The following DOCK1 variants were observed in gnomAD, a reference collection of about 807,000 sequenced individuals.
DOCK1 encodes the protein dedicator of cytokinesis 1.
Under a neutral mutation model 262.7 loss-of-function variants are expected in DOCK1, and 138 were observed. The observed-to-expected ratio is 0.53, with a 90% CI of 0.46 to 0.61. The LOEUF (loss-of-function observed/expected upper bound fraction) is 0.61, where lower values mean the gene tolerates loss of function less well. DOCK1 is among the 20% of genes least tolerant of loss of function. The probability of loss-of-function intolerance (pLI) is 0.00; values close to 1 mark genes in which losing one functional copy is unlikely to be tolerated. For missense variants in DOCK1, 1,908 were observed against 2,370.7 expected (o/e 0.80, Z 4.05); for synonymous variants, 866 against 867.4 (o/e 1.00, Z 0.03).
At chr10:127,059,154 A>G (rs111506373) in intron 22 of DOCK1, among the ~76,000 whole-genome samples, 51 of 152,244 alleles carry the variant, frequency 3.3e-4, no homozygotes, top group Admixed American at 2.9e-3. Flanking sequence ...TCCTTCATTT[A>G]TAGTAAGTCA....
chr10:127,374,363 G>A (rs2065369152), intron 35 of DOCK1, 149 bp downstream of exon 35: 2 of 1,134,490 alleles, frequency 1.8e-6, no homozygotes, highest in East Asian at 5.3e-5. Flanking sequence ...TCTGCTGCAG[G>A]GAAGGAATCA....
At chr10:126,989,602 T>C (rs927957973) in intron 5 of DOCK1, among the ~76,000 whole-genome samples, 1 of 152,208 alleles carries the variant, frequency 6.6e-6, no homozygotes, top group African/African-American at 2.4e-5. Flanking sequence ...GCTAGGATTA[T>C]AGGCCGGAGC....
chr10:126,931,014 C>T (rs1247110223), intron 1 of DOCK1, among the ~76,000 whole-genome samples: 3 of 152,210 alleles, frequency 2.0e-5, no homozygotes, highest in South Asian at 2.1e-4. Flanking sequence ...CATCAGATTC[C>T]CTGCGTCGAG....
chr10:126,944,095 G>A (rs1180055296), intron 1 of DOCK1, among the ~76,000 whole-genome samples: 1 of 151,732 alleles, frequency 6.6e-6, no homozygotes, highest in Non-Finnish European at 1.5e-5. Flanking sequence ...AGCCGTGCAG[G>A]GGAGGTGATG....
chr10:126,905,449 G>C lies in DOCK1; in HGVS notation c.-69G>C, dbSNP rs1310743847. 3.4e-5 allele frequency: 16 copies of C among 469,158 alleles called. No homozygotes were observed. The highest frequency in any genetic ancestry group is 2.4e-5 in the Non-Finnish European group (6 of 254,382). The allele number at this position is 469,158 out of a possible 1,614,324, so 29.1% of individuals were successfully genotyped here. On this transcript the variant is annotated 5_prime_UTR_variant, in exon 1 of 52. Transcript: ENST00000623213. Reference sequence around the variant, plus strand: ...TTTCCTCCCCATCCTGTCGCGGCTCGAAAGGAATGGAAAATGGCGGCCTAG... The same window carrying C: ...TTTCCTCCCCATCCTGTCGCGGCTCCAAAGGAATGGAAAATGGCGGCCTAG...
intron 29 of DOCK1, among the ~76,000 whole-genome samples, chr10:127,303,529 AAG>A (rs1477150757): frequency 2.6e-5 from 4 of 152,162 alleles, no homozygotes; most frequent in Non-Finnish European, 5.9e-5. Flanking sequence ...ACTTAAAAAA[AAG>A]AAAAAAAAAG....
chr10:127,360,489 T>A (rs1264973615), intron 32 of DOCK1, among the ~76,000 whole-genome samples: 1 of 152,214 alleles, frequency 6.6e-6, no homozygotes, highest in Non-Finnish European at 1.5e-5. Flanking sequence ...CAGGAAGGTA[T>A]GATACCAAGA....
At chr10:127,164,567 A>G (rs186169753) in intron 27 of DOCK1, among the ~76,000 whole-genome samples, 3 of 152,276 alleles carry the variant, frequency 2.0e-5, no homozygotes, top group African/African-American at 7.2e-5. Flanking sequence ...ATCATGCATG[A>G]TGAAGAAAAT....
chr10:127,196,634 G>C (rs2057180698), intron 27 of DOCK1, among the ~76,000 whole-genome samples: 2 of 146,888 alleles, frequency 1.4e-5, no homozygotes, highest in Admixed American at 6.7e-5. Context: ...GCGCGGGGCC[G>C]GGCCGGGCCG....
At chr10:127,407,169 G>A (rs1026329918) in intron 40 of DOCK1, among the ~76,000 whole-genome samples, 4 of 152,010 alleles carry the variant, frequency 2.6e-5, no homozygotes, top group African/African-American at 9.7e-5. Context: ...GAATAAGCTG[G>A]GGCAAGGGAA....
Position 127,176,160 on chromosome 10 carries a change from G to T in DOCK1, c.2847+48396G>T. 1 of 1,614,132 alleles carries T rather than the reference G, an allele frequency of 6.2e-7. No homozygotes were observed. The highest frequency in any genetic ancestry group is 8.5e-7 in the Non-Finnish European group (1 of 1,180,036). ...GTATTTGCGGTAGGCTGCTCTGCAG[G>T]ACACGGGCTTGGCCTCCCGCTTCTC... On this transcript the variant is annotated intron_variant, in intron 27 of 51. Transcript: ENST00000623213. The surrounding 1 kb of genome is among the most constrained non-coding windows in gnomAD (Gnocchi z 4.4).
At chr10:127,259,420 C>T (rs1268601200) in intron 29 of DOCK1, among the ~76,000 whole-genome samples, 1 of 152,170 alleles carries the variant, frequency 6.6e-6, no homozygotes, top group Non-Finnish European at 1.5e-5. Context: ...GTATTTTGCA[C>T]ATAGTGAAAA....
At chr10:127,294,181 G>T (rs2061431130) in intron 29 of DOCK1, among the ~76,000 whole-genome samples, 1 of 152,120 alleles carries the variant, frequency 6.6e-6, no homozygotes, top group Non-Finnish European at 1.5e-5. Context: ...CCAGTTTAAG[G>T]CCTGTCTCAG....
In DOCK1 at chr10:127,126,870, C is replaced by T. The variant is rs12250439; in HGVS notation, c.2752-799C>T. 6.6e-3 allele frequency among the ~76,000 whole-genome samples: 1,004 copies of T among 152,296 alleles called. 4 individuals carry two copies. Among genetic ancestry groups the T allele is most frequent in the Admixed American group, 0.012 (182 of 15,292 alleles). On this transcript the variant is annotated intron_variant, in intron 26 of 51. Coordinates refer to ENST00000623213, the MANE Select transcript of DOCK1 (RefSeq NM_001290223.2). ...CACCCACTCCGCTGTAGCCCTGGCT[C>T]ATTCTCTCAGAGCCTGATTAGTGAT... is the stretch of plus-strand genomic sequence containing the variant.
intron 23 of DOCK1, among the ~76,000 whole-genome samples, chr10:127,093,872 G>C (rs1391903585): frequency 6.6e-6 from 1 of 152,150 alleles, no homozygotes; most frequent in Non-Finnish European, 1.5e-5. Context: ...TTGCAGTTCT[G>C]GAGGCTGGCA....
At chr10:127,096,560 T>C (rs1381963685) in intron 23 of DOCK1, among the ~76,000 whole-genome samples, 1 of 152,128 alleles carries the variant, frequency 6.6e-6, no homozygotes, top group Non-Finnish European at 1.5e-5. Flanking sequence ...CACCCATAAC[T>C]CTTCTAATCT....
chr10:127,409,108 G>T lies in DOCK1; in HGVS notation c.4194G>T (p.Gln1398His). The change falls in exon 41 of 52, where the codon CAG becomes CAT. Residue 1398 changes from glutamine (Q) to histidine (H), a missense_variant. Around this residue, in one of 9 missense-constraint regions of DOCK1, gnomAD observed 267 missense variants for 366.3 expected, o/e 0.73. Transcript: ENST00000623213. ...REDFEARLLT[Q>H]FPNAEKMKTT... ...ATTTTGAGGCTCGGCTCTTAACTCA[G>T]TTTCCAAACGCCGAGAAAATGAAGA... is the stretch of plus-strand genomic sequence containing the variant. The T allele has an allele frequency of 6.2e-7, 1 of 1,608,466 alleles. No individual in the cohort carries two copies. The highest frequency in any genetic ancestry group is 8.5e-7 in the Non-Finnish European group (1 of 1,177,208).
At chr10:127,069,758 A>C (rs2046100852) in intron 23 of DOCK1, among the ~76,000 whole-genome samples, 2 of 152,210 alleles carry the variant, frequency 1.3e-5, no homozygotes, top group African/African-American at 4.8e-5. Context: ...ACACTTGTTG[A>C]GAATCAGCAA....
At chr10:127,053,366 A>G (rs1266088849) in intron 22 of DOCK1, among the ~76,000 whole-genome samples, 1 of 152,086 alleles carries the variant, frequency 6.6e-6, no homozygotes, top group Admixed American at 6.5e-5. Context: ...TAAATAAAAC[A>G]ACAATGAAAA....
Sources: allele counts gnomAD v4.1 joint callset (sites outside exome capture counted in the v4.1 genomes callset), GRCh38; gene constraint gnomAD v4.1.1; regional missense constraint gnomAD v4.1.1; non-coding constraint Gnocchi (gnomAD v3.1); transcripts MANE v1.5; gene names NCBI Gene and HGNC (gene_info 2026-07-23, HGNC 2026-07-21).